The following PPP2R2B variants were observed in gnomAD, a reference collection of about 807,000 sequenced individuals.
The protein encoded by PPP2R2B is protein phosphatase 2 regulatory subunit Bbeta.
PPP2R2B carries 5 observed loss-of-function variants against 46.0 expected under a neutral mutation model. The ratio of observed to expected loss-of-function variants is 0.11; its 90% CI spans 0.06 to 0.23. PPP2R2B has a LOEUF of 0.23. PPP2R2B is among the 10% of genes least tolerant of loss of function. The pLI is 1.00. For synonymous variants in PPP2R2B, 215 were observed against 206.7 expected (o/e 1.04, Z -0.34); for missense variants, 367 against 575.0 (o/e 0.64, Z 3.70).
At chr5:146,774,614 C>T (rs921689742) in intron 2 of PPP2R2B, among the ~76,000 whole-genome samples, 3 of 151,908 alleles carry the variant, frequency 2.0e-5, no homozygotes, top group South Asian at 4.1e-4. Flanking sequence ...GTCTGGAGTT[C>T]GAGACCAGCC....
intron 1 of PPP2R2B, among the ~76,000 whole-genome samples, chr5:146,933,279 T>A (rs1292381822): frequency 1.3e-5 from 2 of 152,180 alleles, no homozygotes; most frequent in African/African-American, 4.8e-5. Flanking sequence ...TTGAGGAATA[T>A]CCTGGATAAA....
chr5:146,615,349 T>G (rs1581716926), intron 7 of PPP2R2B, among the ~76,000 whole-genome samples: 1 of 74,212 alleles, frequency 1.3e-5, no homozygotes. Flanking sequence ...CTGGGGACTG[T>G]GGTGGGGTCG....
intron 6 of PPP2R2B, among the ~76,000 whole-genome samples, chr5:146,646,860 T>A (rs7443343): frequency 3.9e-5 from 6 of 152,198 alleles, no homozygotes; most frequent in African/African-American, 1.4e-4. Flanking sequence ...CGTATGTGTG[T>A]GTGTGTGTGT....
intron 5 of PPP2R2B, among the ~76,000 whole-genome samples, chr5:146,675,788 A>G (rs1777670145): frequency 6.6e-6 from 1 of 151,778 alleles, no homozygotes; most frequent in Non-Finnish European, 1.5e-5. Flanking sequence ...GCTCTTTTTT[A>G]TGGTTCTGCA....
intron 2 of PPP2R2B, among the ~76,000 whole-genome samples, chr5:146,778,548 C>A (rs763962158): frequency 2.6e-5 from 4 of 152,130 alleles, no homozygotes; most frequent in Non-Finnish European, 5.9e-5. Flanking sequence ...GGGACTGTGT[C>A]TTATTCATTC....
At chr5:146,974,142 G>A (rs1326118705) in intron 1 of PPP2R2B, among the ~76,000 whole-genome samples, 1 of 152,030 alleles carries the variant, frequency 6.6e-6, no homozygotes, top group Admixed American at 6.6e-5. Flanking sequence ...TGAGTTTAAA[G>A]GTAAATAACA....
rs1561841559 is a variant in PPP2R2B, at chr5:146,698,320, ATATATAT to A, written c.169-183_169-177del. Among the ~76,000 whole-genome samples, 286 of 71,584 alleles carry A rather than the reference ATATATAT, an allele frequency of 4.0e-3. 2 individuals carry two copies. Among genetic ancestry groups the A allele is most frequent in the East Asian group, 6.9e-3 (13 of 1,884 alleles). 47.0% of individuals were successfully genotyped at this position (71,584 alleles called of 152,430 possible). A position where few individuals can be genotyped will look rare whatever the true frequency, so the allele number is the denominator to read the frequency against. On this transcript the variant is annotated intron_variant, in intron 3 of 9. Coordinates refer to ENST00000394411, the MANE Select transcript of PPP2R2B (RefSeq NM_181675.4). ...TCTGAAAAAAAAAAAAAAAAAAAATATATATATATATATATATATATATATATATATA... is the reference window on the plus strand; with the variant it reads ...TCTGAAAAAAAAAAAAAAAAAAAATAATATATATATATATATATATATATA...
chr5:147,058,310 A>G (rs1317205397), upstream of PPP2R2B, among the ~76,000 whole-genome samples: 1 of 152,240 alleles, frequency 6.6e-6, no homozygotes, highest in East Asian at 1.9e-4. Flanking sequence ...AAACAAAGGC[A>G]TTATGGAATT....
intron 1 of PPP2R2B, among the ~76,000 whole-genome samples, chr5:146,949,070 ATAGGT>A (rs1236879995): frequency 6.6e-6 from 1 of 152,096 alleles, no homozygotes; most frequent in Non-Finnish European, 1.5e-5. Flanking sequence ...TTTTGCCTGA[ATAGGT>A]CAAGGAATGC....
intron 9 of PPP2R2B, among the ~76,000 whole-genome samples, 172 bp from the exon 10 acceptor site, chr5:146,590,398 G>GTTTTTTTTTTTTTTTTTTTT (rs1221281341): frequency 6.2e-5 from 7 of 113,412 alleles, no homozygotes; most frequent in East Asian, 2.6e-4. Context: ...TTTTTTTTGT[G>GTTTTTTTTTTTTTTTTTTTT]TTTTTTTTTT....
chr5:146,800,248 G>GTACTGATTA (rs1464341211), intron 2 of PPP2R2B, among the ~76,000 whole-genome samples: 1 of 151,990 alleles, frequency 6.6e-6, no homozygotes, highest in East Asian at 1.9e-4. Flanking sequence ...TTACTGACTT[G>GTACTGATTA]TACTGATTAC....
At chr5:146,766,342 G>T (rs1454729716) in intron 2 of PPP2R2B, among the ~76,000 whole-genome samples, 1 of 152,154 alleles carries the variant, frequency 6.6e-6, no homozygotes, top group Non-Finnish European at 1.5e-5. Context: ...TAGCATTTGA[G>T]ATGAATTACC....
At chr5:146,759,900 T>C (rs181505647) in intron 2 of PPP2R2B, among the ~76,000 whole-genome samples, 1 of 152,198 alleles carries the variant, frequency 6.6e-6, no homozygotes. Context: ...GTTATTGTGA[T>C]GTCTTACAGT....
intron 1 of PPP2R2B, among the ~76,000 whole-genome samples, chr5:147,031,727 C>A (rs560482425): frequency 1.3e-5 from 2 of 152,076 alleles, no homozygotes; most frequent in East Asian, 3.9e-4. Context: ...GAATAAAGAA[C>A]CAGAAATAAA....
At chr5:146,709,933 C>G (rs1780123826) in intron 2 of PPP2R2B, among the ~76,000 whole-genome samples, 1 of 152,134 alleles carries the variant, frequency 6.6e-6, no homozygotes, top group South Asian at 2.1e-4. Flanking sequence ...TTGCACAGGG[C>G]CAGGTTATTA....
rs1417247014 is a variant in PPP2R2B, at chr5:146,588,465, T to C, written c.*1482A>G. ...AAATTTCCCTTTCATTGAAAAACTC[T>C]CATCTCAAACCATTTACCCTGCACT... On this transcript the variant is annotated 3_prime_UTR_variant, in exon 10 of 10. Coordinates refer to ENST00000394411, the MANE Select transcript of PPP2R2B (RefSeq NM_181675.4). 1 of 152,216 alleles carries C rather than the reference T, an allele frequency of 6.6e-6. No homozygotes were observed. Among genetic ancestry groups the C allele is most frequent in the East Asian group, 1.9e-4 (1 of 5,202 alleles). 9.4% of individuals were successfully genotyped at this position (152,216 alleles called of 1,614,324 possible).
intron 1 of PPP2R2B, among the ~76,000 whole-genome samples, chr5:147,009,528 C>G (rs938336163): frequency 6.6e-6 from 1 of 151,826 alleles, no homozygotes; most frequent in Non-Finnish European, 1.5e-5. Flanking sequence ...AATAATAAGA[C>G]GAAGGATGAG....
chr5:146,845,539 CA>C (rs1759948489), intron 2 of PPP2R2B, among the ~76,000 whole-genome samples: 1 of 150,492 alleles, frequency 6.6e-6, no homozygotes, highest in African/African-American at 2.5e-5. Flanking sequence ...AGGCGTGAGC[CA>C]CCACACCTGG....
chr5:147,070,694 T>C (rs1757561743), intron 2 of PPP2R2B, among the ~76,000 whole-genome samples: 1 of 152,206 alleles, frequency 6.6e-6, no homozygotes, highest in Non-Finnish European at 1.5e-5. Context: ...ATAGAACTGG[T>C]TAAGCCTTAT....
Sources: gnomAD v4.1 joint callset for allele counts (sites outside exome capture counted in the v4.1 genomes callset) on GRCh38, gnomAD v4.1.1 for gene constraint, MANE v1.5 for transcripts, NCBI Gene and HGNC (gene_info 2026-07-23, HGNC 2026-07-21) for gene names.